Variants in NCKAP5 observed in about 807,000 individuals in gnomAD.
NCKAP5 encodes NCK associated protein 5, also known as nck-associated protein 5.
NCKAP5 carries 92 observed loss-of-function variants against 167.0 expected under a neutral mutation model. The observed-to-expected ratio is 0.55, with a 90% CI of 0.47 to 0.66. The LOEUF is 0.66. NCKAP5 is among the 30% of genes least tolerant of loss of function. The pLI is 0.00. For synonymous variants in NCKAP5, 891 were observed against 877.4 expected, an observed-to-expected ratio of 1.02 and a Z score of -0.27; for missense variants, 2,378 against 2,315.0, an observed-to-expected ratio of 1.03 and a Z score of -0.56.
chr2:133,158,309 C>T (rs1409049608), intron 5 of NCKAP5, among the ~76,000 whole-genome samples: 1 of 152,144 alleles, frequency 6.6e-6, no homozygotes, highest in Non-Finnish European at 1.5e-5. Flanking sequence ...AAACTGCTGC[C>T]TGCAGATAAT....
intron 3 of NCKAP5, among the ~76,000 whole-genome samples, chr2:133,466,577 T>C (rs1327631349): frequency 2.6e-5 from 4 of 152,156 alleles, no homozygotes; most frequent in African/African-American, 7.2e-5. Context: ...GGGGATGGCA[T>C]TGAATCTAAA....
At chr2:133,049,911 A>G (rs952380322) in intron 6 of NCKAP5, among the ~76,000 whole-genome samples, 3 of 152,244 alleles carry the variant, frequency 2.0e-5, no homozygotes, top group Non-Finnish European at 2.9e-5. Context: ...ACCTGGTTCC[A>G]AGAAGTTCCA....
At chr2:133,387,120 G>T (rs1687035957) in intron 3 of NCKAP5, among the ~76,000 whole-genome samples, 1 of 152,168 alleles carries the variant, frequency 6.6e-6, no homozygotes, top group Non-Finnish European at 1.5e-5. Flanking sequence ...CTCGTTAGTT[G>T]ATGCGGTTTC....
At chr2:133,168,850 A>G (rs1386571978) in intron 5 of NCKAP5, among the ~76,000 whole-genome samples, 3 of 152,022 alleles carry the variant, frequency 2.0e-5, no homozygotes, top group Non-Finnish European at 4.4e-5. Context: ...CTTCTCAAAT[A>G]AAGAGTGTAT....
chr2:133,365,388 A>G (rs1685391252), intron 3 of NCKAP5, among the ~76,000 whole-genome samples: 1 of 152,174 alleles, frequency 6.6e-6, no homozygotes, highest in Non-Finnish European at 1.5e-5. Context: ...GCCAGCTTGA[A>G]TCATGCTCCA....
chr2:133,034,574 A>G (rs910593331), intron 6 of NCKAP5, among the ~76,000 whole-genome samples: 2 of 152,182 alleles, frequency 1.3e-5, no homozygotes, highest in Non-Finnish European at 2.9e-5. Flanking sequence ...TTCAGGACAT[A>G]GTACAATAAG....
intron 2 of NCKAP5, among the ~76,000 whole-genome samples, chr2:133,551,975 C>G (rs201786173): frequency 0.09 from 11,572 of 128,088 alleles, 1,110 homozygotes; most frequent in East Asian, 0.33. Context: ...ATTTATGCAG[C>G]CAAAAAACAC....
the NCKAP5 span, among the ~76,000 whole-genome samples, chr2:133,614,846 G>T: frequency 6.6e-6 from 1 of 152,068 alleles, no homozygotes; most frequent in Non-Finnish European, 1.5e-5. Context: ...ACACATAATT[G>T]TCAGATTCAC....
intron 3 of NCKAP5, among the ~76,000 whole-genome samples, chr2:133,440,786 G>A (rs1158041790): frequency 6.7e-6 from 1 of 150,002 alleles, no homozygotes; most frequent in African/African-American, 2.5e-5. Flanking sequence ...TCATTGGCTT[G>A]GGGATCCTCC....
At chr2:133,279,505 G>C (rs1391496562) in intron 4 of NCKAP5, among the ~76,000 whole-genome samples, 3 of 152,068 alleles carry the variant, frequency 2.0e-5, no homozygotes, top group African/African-American at 7.2e-5. Context: ...TATTAATTTT[G>C]AATTTAACCC....
chr2:133,045,408 A>G (rs1344150045), intron 6 of NCKAP5, among the ~76,000 whole-genome samples: 1 of 152,032 alleles, frequency 6.6e-6, no homozygotes, highest in Non-Finnish European at 1.5e-5. Context: ...TAATTAAGAG[A>G]GACTGAATTT....
chr2:133,070,835 G>T (rs1027230020), intron 6 of NCKAP5, among the ~76,000 whole-genome samples: 1 of 152,072 alleles, frequency 6.6e-6, no homozygotes, highest in African/African-American at 2.4e-5. Context: ...ATGATTTTAT[G>T]TATAAATACA....
the NCKAP5 span, among the ~76,000 whole-genome samples, chr2:133,589,119 T>G: frequency 4.1e-4 from 62 of 152,258 alleles, no homozygotes; most frequent in Admixed American, 3.7e-3. Flanking sequence ...TTGGGGTTGC[T>G]GGGAAAGATG....
chr2:132,687,946 G>A (rs1006167464), intron 19 of NCKAP5, among the ~76,000 whole-genome samples: 3 of 152,208 alleles, frequency 2.0e-5, no homozygotes, highest in Non-Finnish European at 4.4e-5. Context: ...TATGTGGTCT[G>A]AATGTGATTA....
At chr2:133,167,392 T>C (rs1351718928) in intron 5 of NCKAP5, among the ~76,000 whole-genome samples, 1 of 152,204 alleles carries the variant, frequency 6.6e-6, no homozygotes, top group Non-Finnish European at 1.5e-5. Context: ...TCTAAACTAC[T>C]TCACGGTGTA....
At chr2:133,664,698 C>T in the NCKAP5 span, among the ~76,000 whole-genome samples, 10 of 152,258 alleles carry the variant, frequency 6.6e-5, no homozygotes, top group African/African-American at 2.4e-4. Flanking sequence ...TGAGGTTTCA[C>T]CATGTTGGCC....
intron 9 of NCKAP5, among the ~76,000 whole-genome samples, chr2:132,870,463 T>G (rs951190700): frequency 6.6e-6 from 1 of 152,122 alleles, no homozygotes; most frequent in Non-Finnish European, 1.5e-5. Context: ...TTCATTCATT[T>G]CTTCCTTCAT....
At chr2:133,663,831 G>A in the NCKAP5 span, among the ~76,000 whole-genome samples, 1 of 151,932 alleles carries the variant, frequency 6.6e-6, no homozygotes, top group African/African-American at 2.4e-5. Context: ...CCAAACTCCT[G>A]TTAATGATGA....
chr2:133,658,771 G>C, the NCKAP5 span, among the ~76,000 whole-genome samples: 1 of 152,024 alleles, frequency 6.6e-6, no homozygotes, highest in East Asian at 1.9e-4. Flanking sequence ...GGCTTGATTT[G>C]GCTCCTGTCT....
Sources: gnomAD v4.1 joint callset for allele counts (sites outside exome capture counted in the v4.1 genomes callset) on GRCh38, gnomAD v4.1.1 for gene constraint, MANE v1.5 for transcripts, NCBI Gene and HGNC (gene_info 2026-07-23, HGNC 2026-07-21) for gene names.